MTMR2: variants seen among roughly 807,000 people sequenced by gnomAD.
The protein encoded by MTMR2 is myotubularin related protein 2, also known as phosphatidylinositol-3,5-bisphosphate 3-phosphatase MTMR2.
A neutral mutation model predicts 86.9 loss-of-function variants in MTMR2; 55 were observed. The observed-to-expected ratio is 0.63, with a 90% CI of 0.51 to 0.79. The LOEUF is 0.79. Among genes scored for constraint, MTMR2 ranks in the 30% least tolerant of loss-of-function variants. The pLI, the probability that MTMR2 is intolerant of heterozygous loss-of-function variation, is 0.00. For missense variants in MTMR2, 659 were observed against 772.3 expected, an observed-to-expected ratio of 0.85 and a Z score of 1.74; for synonymous variants, 241 against 266.8, an observed-to-expected ratio of 0.90 and a Z score of 0.94.
chr11:95,877,000 A>T (rs1309572530), intron 2 of MTMR2, among the ~76,000 whole-genome samples: 1 of 152,208 alleles, frequency 6.6e-6, no homozygotes, highest in Admixed American at 6.5e-5. Flanking sequence ...TCTGCAAAAC[A>T]CTAAATAATA....
intron 1 of MTMR2, among the ~76,000 whole-genome samples, chr11:95,898,168 T>G (rs1865943397): frequency 6.6e-6 from 1 of 151,998 alleles, no homozygotes; most frequent in African/African-American, 2.4e-5. Context: ...CAATGCCCAC[T>G]TACTGCTTAA....
intron 7 of MTMR2, among the ~76,000 whole-genome samples, chr11:95,856,389 T>G (rs763346488): frequency 7.2e-5 from 11 of 151,924 alleles, no homozygotes; most frequent in South Asian, 2.1e-4. Context: ...TTATCATTAG[T>G]CCTTAATTTT....
rs138036650 is a variant in MTMR2, at chr11:95,836,163, T to A, written c.1755A>T (p.Pro585=). Reference sequence around the variant, plus strand: ...AGGCACATACCTGTGGTTTCATCCGTGGATTCCACCTTATGTAATATCCCA... The same window carrying A: ...AGGCACATACCTGTGGTTTCATCCGAGGATTCCACCTTATGTAATATCCCA... The part of the protein sequence containing the change: ...LWVGYYIRWN[P]RMKPQEPIHN... The change falls in exon 14 of 15, where the codon CCA becomes CCT. Residue 585 remains proline (P), a synonymous_variant. Coordinates refer to ENST00000346299, the MANE Select transcript of MTMR2 (RefSeq NM_016156.6). 2.0e-5 allele frequency: 33 copies of A among 1,612,722 alleles called. No homozygotes were observed. The highest frequency in any genetic ancestry group is 2.7e-5 in the Non-Finnish European group (32 of 1,179,040).
At chr11:95,893,195 A>C (rs891218916) in intron 1 of MTMR2, among the ~76,000 whole-genome samples, 2 of 152,228 alleles carry the variant, frequency 1.3e-5, no homozygotes, top group Non-Finnish European at 2.9e-5. Context: ...CATAAAGATA[A>C]ACTGTCAACA....
At chr11:95,841,384 C>A (rs1469945441) in intron 12 of MTMR2, among the ~76,000 whole-genome samples, 4 of 152,078 alleles carry the variant, frequency 2.6e-5, no homozygotes, top group African/African-American at 9.7e-5. Flanking sequence ...AATGATAAAA[C>A]CTCTCAGGAG....
chr11:95,840,416 G>C (rs1355341510), intron 12 of MTMR2, among the ~76,000 whole-genome samples: 1 of 152,108 alleles, frequency 6.6e-6, no homozygotes, highest in Non-Finnish European at 1.5e-5. Flanking sequence ...GACTTAGGTA[G>C]TTGATATACT....
chr11:95,841,083 C>T (rs996334372), intron 12 of MTMR2, among the ~76,000 whole-genome samples: 1 of 152,024 alleles, frequency 6.6e-6, no homozygotes, highest in Non-Finnish European at 1.5e-5. Context: ...ATTAATATTT[C>T]AAATAAATTT....
intron 1 of MTMR2, among the ~76,000 whole-genome samples, chr11:95,916,304 C>T (rs947078195): frequency 1.3e-5 from 2 of 152,142 alleles, no homozygotes; most frequent in African/African-American, 4.8e-5. Flanking sequence ...CTATCCCAGC[C>T]TCTTGTTTAC....
intron 2 of MTMR2, among the ~76,000 whole-genome samples, chr11:95,866,205 A>C (rs1305234205): frequency 6.6e-6 from 1 of 152,242 alleles, no homozygotes; most frequent in East Asian, 1.9e-4. Context: ...AGTTTAAATA[A>C]ATTCATGATC....
At chr11:95,922,847 G>C (rs997964048) in intron 1 of MTMR2, among the ~76,000 whole-genome samples, 5 of 152,100 alleles carry the variant, frequency 3.3e-5, no homozygotes, top group African/African-American at 1.2e-4. Flanking sequence ...ATATTTAGCA[G>C]AATCCAAAAT....
Position 95,850,642 on chromosome 11 carries a change from T to G in MTMR2, c.762A>C (p.Glu254Asp). ...ATCTGAAGGATGCCACTCTCTTTAA[T>G]TCTTCATCAGGAATATTTGCTGGCA... Reference protein sequence around the residue: ...LVVPANIPDEELKRVASFRSR... With the variant: ...LVVPANIPDEDLKRVASFRSR... Residue 254 changes from glutamate to aspartate, a missense_variant, in exon 8 of 15, where the codon GAA becomes GAC. Glu to Asp is a conservative substitution (Grantham distance 45). This residue lies in a region of MTMR2 where 387 missense variants were observed against 526.3 expected (regional missense o/e 0.74). Coordinates refer to ENST00000346299, the MANE Select transcript of MTMR2 (RefSeq NM_016156.6). 1 of 1,614,152 alleles carries G rather than the reference T, an allele frequency of 6.2e-7. No homozygotes were observed. Among genetic ancestry groups the G allele is most frequent in the Non-Finnish European group, 8.5e-7 (1 of 1,180,002 alleles).
chr11:95,922,957 A>G (rs2135654696), intron 1 of MTMR2, among the ~76,000 whole-genome samples: 1 of 152,372 alleles, frequency 6.6e-6, no homozygotes, highest in East Asian at 1.9e-4. Flanking sequence ...CAATTAGACT[A>G]TTATTCAGTG....
In MTMR2 at chr11:95,834,193, A is replaced by T. The variant is rs537827786; in HGVS notation, c.*1097T>A. 7.9e-5 allele frequency: 12 copies of T among 152,646 alleles called. No homozygotes were observed. The highest frequency in any genetic ancestry group is 2.9e-4 in the African/African-American group (12 of 41,566). The allele number at this position is 152,646 out of a possible 1,614,324, so 9.5% of individuals were successfully genotyped here. A position where few individuals can be genotyped will look rare whatever the true frequency, so the allele number is the denominator to read the frequency against. ...ATGGCTCTTATGTAGAATAAAATAGACATCAGAGTCAAATGTTTCTACCAG... is the reference window on the plus strand; with the variant it reads ...ATGGCTCTTATGTAGAATAAAATAGTCATCAGAGTCAAATGTTTCTACCAG... On this transcript the variant is annotated 3_prime_UTR_variant, in exon 15 of 15. Coordinates refer to ENST00000346299, the MANE Select transcript of MTMR2 (RefSeq NM_016156.6).
At chr11:95,882,675 T>C (rs1358752853) in intron 2 of MTMR2, among the ~76,000 whole-genome samples, 1 of 151,300 alleles carries the variant, frequency 6.6e-6, no homozygotes, top group Non-Finnish European at 1.5e-5. Context: ...CATATACATG[T>C]ACATAAGATA....
At chr11:95,854,309 C>T (rs1479976042) in intron 7 of MTMR2, among the ~76,000 whole-genome samples, 2 of 152,272 alleles carry the variant, frequency 1.3e-5, no homozygotes, top group South Asian at 4.1e-4. Flanking sequence ...GTTTATTATA[C>T]AAACAAACTG....
At chr11:95,879,089 A>G (rs1865229036) in intron 2 of MTMR2, among the ~76,000 whole-genome samples, 1 of 152,126 alleles carries the variant, frequency 6.6e-6, no homozygotes. Context: ...CACTAAGACC[A>G]TGATCATAAC....
At chr11:95,924,102 GAGTGCA>G in exon 1 of MTMR2, 4 of 994,242 alleles carry the variant, frequency 4.0e-6, no homozygotes, top group Admixed American at 2.1e-5. Context: ...TGTTCCCCCA[GAGTGCA>G]CCGCGCCTGT....
intron 1 of MTMR2, among the ~76,000 whole-genome samples, chr11:95,916,013 A>T (rs1866685101): frequency 6.6e-6 from 1 of 152,192 alleles, no homozygotes; most frequent in African/African-American, 2.4e-5. Context: ...TCAAGAGTTC[A>T]GAGTGCTCCA....
At chr11:95,895,468 A>G (rs1050573756) in intron 1 of MTMR2, among the ~76,000 whole-genome samples, 2 of 152,184 alleles carry the variant, frequency 1.3e-5, no homozygotes, top group Admixed American at 1.3e-4. Flanking sequence ...TAAACAGATA[A>G]AAGGCTGTAA....
Sources: gnomAD v4.1 joint callset for allele counts (sites outside exome capture counted in the v4.1 genomes callset) on GRCh38, gnomAD v4.1.1 for gene constraint, gnomAD v4.1.1 regional missense constraint, MANE v1.5 for transcripts, NCBI Gene and HGNC (gene_info 2026-07-23, HGNC 2026-07-21) for gene names.